Variants in GALNT14 observed in about 807,000 individuals in gnomAD.
GALNT14 encodes the protein UDP-GalNAc:polypeptide N-acetylgalactosaminyltransferase 14.
A neutral mutation model predicts 77.5 loss-of-function variants in GALNT14; 60 were observed. The ratio of observed to expected loss-of-function variants is 0.77; its 90% CI spans 0.63 to 0.96. The LOEUF (loss-of-function observed/expected upper bound fraction) is 0.96. Among genes scored for constraint, GALNT14 ranks in the 40% least tolerant of loss-of-function variants. The probability of loss-of-function intolerance (pLI) is 0.00; values close to 1 mark genes in which losing one functional copy is unlikely to be tolerated. For synonymous variants in GALNT14, 280 were observed against 281.7 expected (o/e 0.99, Z 0.06); for missense variants, 710 against 731.0 (o/e 0.97, Z 0.33).
At chr2:31,068,856 T>C (rs749309723) in intron 1 of GALNT14, among the ~76,000 whole-genome samples, 1 of 152,234 alleles carries the variant, frequency 6.6e-6, no homozygotes, top group African/African-American at 2.4e-5. Flanking sequence ...ACAGCACAGA[T>C]GAACCTTGAG....
chr2:31,062,494 C>T (rs936470286), intron 1 of GALNT14, among the ~76,000 whole-genome samples: 1 of 152,166 alleles, frequency 6.6e-6, no homozygotes, highest in Non-Finnish European at 1.5e-5. Flanking sequence ...CAAGTCTTTG[C>T]TATTGCAAAT....
At chr2:31,078,982 A>G (rs1226588350) in intron 1 of GALNT14, 1 of 1,289,190 alleles carries the variant, frequency 7.8e-7, no homozygotes. Context: ...TGGGAGGGAG[A>G]GCAGGGGAGC....
intron 1 of GALNT14, among the ~76,000 whole-genome samples, chr2:31,084,130 G>A (rs758635076): frequency 5.9e-5 from 9 of 152,254 alleles, no homozygotes; most frequent in African/African-American, 9.6e-5. Flanking sequence ...AACAAGCATC[G>A]GGACTGGCCA....
chr2:31,128,331 C>T (rs991777287), intron 1 of GALNT14, among the ~76,000 whole-genome samples: 8 of 152,032 alleles, frequency 5.3e-5, no homozygotes, highest in African/African-American at 1.9e-4. Context: ...GGCCAGGACA[C>T]CCCGGCATTA....
chr2:31,103,566 A>C (rs1862975), intron 1 of GALNT14, among the ~76,000 whole-genome samples: 93,950 of 151,932 alleles, frequency 0.62, 30,652 homozygotes, highest in African/African-American at 0.83. Context: ...ACTTCCACCA[A>C]CTGATTTTAG....
intron 1 of GALNT14, among the ~76,000 whole-genome samples, chr2:31,094,349 G>T (rs955097004): frequency 2.0e-5 from 3 of 152,152 alleles, no homozygotes; most frequent in Non-Finnish European, 4.4e-5. Flanking sequence ...CCCACCCTTT[G>T]CTGACTCTCT....
At chr2:31,133,460 C>G (rs1230495193) in intron 1 of GALNT14, among the ~76,000 whole-genome samples, 1 of 152,114 alleles carries the variant, frequency 6.6e-6, no homozygotes, top group Admixed American at 6.5e-5. Flanking sequence ...GAAAGACAAG[C>G]TATTTTCTAA....
In GALNT14 at chr2:30,988,874, C is replaced by A. The variant is rs550586118; in HGVS notation, c.299+3964G>T. Among the ~76,000 whole-genome samples the A allele has an allele frequency of 2.9e-3, 439 of 152,302 alleles. 4 individuals are homozygous for A. The highest frequency in any genetic ancestry group is 3.1e-3 in the Non-Finnish European group (211 of 68,038). On this transcript the variant is annotated intron_variant, in intron 2 of 14. Coordinates refer to ENST00000349752, the MANE Select transcript of GALNT14 (RefSeq NM_024572.4). ...TCCCAAGTGAAGCTGATGCTGGTGG[C>A]CTGCTGGTTTGGGGAACCAGAATTT...
intron 1 of GALNT14, among the ~76,000 whole-genome samples, chr2:31,018,767 G>A (rs1345250665): frequency 2.0e-5 from 3 of 152,118 alleles, no homozygotes; most frequent in African/African-American, 4.8e-5. Flanking sequence ...GGTTCTTTGG[G>A]ATGACAACAA....
At chr2:30,997,905 G>A (rs1005318599) in intron 1 of GALNT14, among the ~76,000 whole-genome samples, 3 of 151,992 alleles carry the variant, frequency 2.0e-5, no homozygotes, top group African/African-American at 7.3e-5. Flanking sequence ...TATTCCTCCT[G>A]TCTAACTGAC....
In GALNT14 at chr2:30,945,885, A is replaced by G; in HGVS notation, c.655-15T>C. ...CGCGTGTAGTCCTGTAAGACAACAG[A>G]CCCGCACTTAGCTTATGGAGAGGAG... On this transcript the variant is annotated splice_polypyrimidine_tract_variant and intron_variant, in intron 6 of 14. Coordinates refer to ENST00000349752, the MANE Select transcript of GALNT14 (RefSeq NM_024572.4). The G allele has an allele frequency of 6.2e-7, 1 of 1,611,486 alleles. No homozygotes were observed. Among genetic ancestry groups the G allele is most frequent in the Non-Finnish European group, 8.5e-7 (1 of 1,177,690 alleles).
intron 1 of GALNT14, among the ~76,000 whole-genome samples, chr2:31,108,593 C>A (rs982634720): frequency 6.6e-6 from 1 of 152,324 alleles, no homozygotes; most frequent in East Asian, 1.9e-4. Context: ...CTGGTTGGAG[C>A]ATTGGGCATT....
chr2:31,113,923 A>G (rs567122146), intron 1 of GALNT14, among the ~76,000 whole-genome samples: 2 of 152,256 alleles, frequency 1.3e-5, no homozygotes, highest in African/African-American at 4.8e-5. Context: ...CAGGTGCACT[A>G]AGATAGGGAA....
chr2:31,108,752 G>C (rs1279300990), intron 1 of GALNT14, among the ~76,000 whole-genome samples: 1 of 152,226 alleles, frequency 6.6e-6, no homozygotes, highest in East Asian at 1.9e-4. Context: ...TGCATGCTCT[G>C]TGATGGCTGT....
At chr2:30,988,228 T>C (rs1325645706) in intron 2 of GALNT14, among the ~76,000 whole-genome samples, 1 of 152,190 alleles carries the variant, frequency 6.6e-6, no homozygotes, top group Non-Finnish European at 1.5e-5. Context: ...ATGCTCAACA[T>C]GTTACTCACC....
chr2:30,975,195 T>C (rs1573071562), intron 2 of GALNT14, among the ~76,000 whole-genome samples: 1 of 152,330 alleles, frequency 6.6e-6, no homozygotes, highest in East Asian at 1.9e-4. Flanking sequence ...GTCTTAAGTT[T>C]TGTCTGTTAT....
intron 1 of GALNT14, among the ~76,000 whole-genome samples, chr2:31,130,763 T>C (rs2148651121): frequency 7.1e-6 from 1 of 141,622 alleles, no homozygotes; most frequent in Non-Finnish European, 1.5e-5. Context: ...TGTGTGTGTG[T>C]GTGTGTGTGT....
At chr2:30,985,463 C>G (rs1669240789) in intron 2 of GALNT14, among the ~76,000 whole-genome samples, 1 of 152,040 alleles carries the variant, frequency 6.6e-6, no homozygotes, top group Non-Finnish European at 1.5e-5. Flanking sequence ...TGCTACGTGG[C>G]CAAGACAAAA....
intron 6 of GALNT14, among the ~76,000 whole-genome samples, chr2:30,951,881 G>A (rs187210338): frequency 1.3e-3 from 204 of 152,312 alleles, no homozygotes; most frequent in Non-Finnish European, 2.4e-3. Context: ...TTCAGTTCCA[G>A]GGTGCATGGT....
Sources: gnomAD v4.1 joint callset for allele counts (sites outside exome capture counted in the v4.1 genomes callset) on GRCh38, gnomAD v4.1.1 for gene constraint, MANE v1.5 for transcripts, NCBI Gene and HGNC (gene_info 2026-07-23, HGNC 2026-07-21) for gene names.